Variants in MYO5A observed in about 807,000 individuals in gnomAD.
MYO5A encodes myosin VA.
MYO5A carries 98 observed loss-of-function variants against 249.7 expected under a neutral mutation model. That is an observed-to-expected ratio of 0.39 (90% CI 0.33 to 0.46). The LOEUF is 0.46. Among genes scored for constraint, MYO5A ranks in the 20% least tolerant of loss-of-function variants. The probability of loss-of-function intolerance (pLI) is 0.98; values close to 1 mark genes in which losing one functional copy is unlikely to be tolerated. For missense variants in MYO5A, 1,696 were observed against 2,308.8 expected (o/e 0.73, Z 5.44); for synonymous variants, 778 against 810.6 (o/e 0.96, Z 0.68).
In MYO5A at chr15:52,364,597, T is replaced by G. The variant is rs1226192143; in HGVS notation, c.3266A>C (p.Glu1089Ala). 1 of 1,614,024 alleles carries G rather than the reference T, an allele frequency of 6.2e-7. No individual in the cohort carries two copies. The highest frequency in any genetic ancestry group is 1.1e-5 in the South Asian group (1 of 91,074). Residue 1089 changes from glutamate to alanine, a missense_variant, in exon 24 of 42, where the codon GAA becomes GCA. Around this residue, in one of 5 missense-constraint regions of MYO5A, gnomAD observed 412 missense variants for 453.3 expected, o/e 0.91. Transcript: ENST00000399233. The part of the protein sequence containing the change: ...QNLLNEFSRL[E>A]ERYDDLKEEM... ...TTCCTTGAGGTCATCATATCTTTCT[T>G]CCAGGCGACTGAACTCATTCAGAAG...
At position 52,385,903 on chromosome 15, in the gene MYO5A, A is replaced by C. The variant is rs142056260; in HGVS notation, c.1753-1581T>G. 2.7e-3 allele frequency among the ~76,000 whole-genome samples: 413 copies of C among 152,336 alleles called. 5 individuals are homozygous for C. The highest frequency in any genetic ancestry group is 9.5e-3 in the African/African-American group (395 of 41,574). On this transcript the variant is annotated intron_variant, in intron 14 of 41. Transcript: ENST00000399233. ...CACTTCAATGGAAACAATGTTACAC[A>C]GACTGGCAGTCACTGCAAATGATTT... is the stretch of plus-strand genomic sequence containing the variant.
intron 1 of MYO5A, among the ~76,000 whole-genome samples, chr15:52,494,372 A>G (rs1283519476): frequency 1.3e-5 from 2 of 152,230 alleles, no homozygotes; most frequent in African/African-American, 4.8e-5. Context: ...GCTAACACCC[A>G]CAGATCTTTC....
At chr15:52,504,054 C>CCT (rs1555386581) in intron 1 of MYO5A, among the ~76,000 whole-genome samples, 2 of 122,956 alleles carry the variant, frequency 1.6e-5, no homozygotes, top group Admixed American at 8.3e-5. Context: ...GTTTCTCCTT[C>CCT]TTTTTTTTTT....
chr15:52,515,805 C>T (rs1413777471), intron 1 of MYO5A, among the ~76,000 whole-genome samples: 1 of 152,132 alleles, frequency 6.6e-6, no homozygotes, highest in Admixed American at 6.5e-5. Flanking sequence ...TGGCACCTGA[C>T]TCTTCAGGAC....
At chr15:52,382,956 C>T in intron 16 of MYO5A, 135 bp downstream of exon 16, 1 of 752,180 alleles carries the variant, frequency 1.3e-6, no homozygotes, top group Non-Finnish European at 2.4e-6. Flanking sequence ...TAGTGGTTTC[C>T]CTCTACAAGG....
At position 52,319,275 on chromosome 15, in the gene MYO5A, C is replaced by T. The variant is rs778641047; in HGVS notation, c.5019G>A (p.Lys1673=). 1 of 1,614,188 alleles carries T rather than the reference C, an allele frequency of 6.2e-7. No homozygotes were observed. Among genetic ancestry groups the T allele is most frequent in the East Asian group, 2.2e-5 (1 of 44,882 alleles). ...VSGVKPTGLR[K]RTSSIADEGT... is the part of the protein sequence containing the mutation. ...CCTCATCGGCGATACTGGAGGTTCGCTTTCTCAACCCTGTGGGCTTCACCC... is the reference window on the plus strand; with the variant it reads ...CCTCATCGGCGATACTGGAGGTTCGTTTTCTCAACCCTGTGGGCTTCACCC... The change falls in exon 39 of 42, where the codon AAG becomes AAA. Residue 1673 remains lysine, a synonymous_variant. Transcript: ENST00000399233.
chr15:52,427,364 T>A (rs1304503456), intron 3 of MYO5A, among the ~76,000 whole-genome samples: 1 of 151,688 alleles, frequency 6.6e-6, no homozygotes, highest in East Asian at 1.9e-4. Context: ...ACAAGATAAG[T>A]AAGAAAATAT....
At position 52,319,188 on chromosome 15, in the gene MYO5A, C is replaced by A; in HGVS notation, c.5106G>T (p.Gln1702His). The A allele has an allele frequency of 6.2e-7, 1 of 1,614,182 alleles. No individual in the cohort carries two copies. Among genetic ancestry groups the A allele is most frequent in the East Asian group, 2.2e-5 (1 of 44,888 alleles). ...QLNSFHSVMC[Q>H]HGMDPELIKQ... The stretch of plus-strand genomic sequence containing the variant: ...TGATCAGTTCAGGGTCCATGCCATG[C>A]TGACACATGACCGAGTGGAAGGAGT... The change falls in exon 39 of 42, where the codon CAG (glutamine) becomes CAT (histidine). Residue 1702 changes from glutamine to histidine, a missense_variant. Physicochemically the swap from Gln to His is conservative, Grantham distance 24 (BLOSUM62 0). This residue lies in a region of MYO5A where 625 missense variants were observed against 908.1 expected (regional missense o/e 0.69). Transcript: ENST00000399233.
At chr15:52,410,197 G>T in intron 6 of MYO5A, 136 bp downstream of exon 6, 1 of 1,078,806 alleles carries the variant, frequency 9.3e-7, no homozygotes, top group Non-Finnish European at 1.4e-6. Context: ...ACAGGCTTCA[G>T]TCCAAGTGTG....
At chr15:52,463,148 C>G (rs373951479) in intron 1 of MYO5A, among the ~76,000 whole-genome samples, 2 of 152,124 alleles carry the variant, frequency 1.3e-5, no homozygotes, top group African/African-American at 4.8e-5. Context: ...CAACTGTATA[C>G]GCTGAGAGGG....
intron 1 of MYO5A, among the ~76,000 whole-genome samples, chr15:52,476,470 G>A (rs1213952998): frequency 6.6e-6 from 1 of 152,170 alleles, no homozygotes; most frequent in Non-Finnish European, 1.5e-5. Context: ...GTTAGTTGAT[G>A]CAGTTTCTTC....
At chr15:52,515,437 A>G (rs560988321) in intron 1 of MYO5A, among the ~76,000 whole-genome samples, 7 of 152,288 alleles carry the variant, frequency 4.6e-5, no homozygotes, top group Admixed American at 3.3e-4. Context: ...CTGGAGGGAT[A>G]CTGATGTCAT....
intron 20 of MYO5A, among the ~76,000 whole-genome samples, chr15:52,374,982 A>G (rs1045021621): frequency 6.6e-6 from 1 of 152,114 alleles, no homozygotes; most frequent in African/African-American, 2.4e-5. Flanking sequence ...GTATTTTAAA[A>G]TGCATTTCAG....
intron 36 of MYO5A, among the ~76,000 whole-genome samples, chr15:52,325,982 A>G (rs1393906639): frequency 3.9e-5 from 6 of 152,248 alleles, no homozygotes; most frequent in African/African-American, 1.4e-4. Flanking sequence ...AGTTGAACTC[A>G]AAGCTATTTG....
At chr15:52,314,899 G>A (rs1201513369) in intron 40 of MYO5A, among the ~76,000 whole-genome samples, 2 of 152,150 alleles carry the variant, frequency 1.3e-5, no homozygotes, top group Non-Finnish European at 2.9e-5. Context: ...CAATACAACA[G>A]TAGTAGTCAC....
chr15:52,324,202 G>C (rs566495085), intron 36 of MYO5A, among the ~76,000 whole-genome samples: 8 of 152,148 alleles, frequency 5.3e-5, no homozygotes, highest in Admixed American at 1.3e-4. Context: ...TTAAGGGTAA[G>C]ATAAAATTTC....
intron 13 of MYO5A, 95 bp downstream of exon 13, chr15:52,389,143 A>G: frequency 7.4e-7 from 1 of 1,343,216 alleles, no homozygotes; most frequent in Non-Finnish European, 1.0e-6. Context: ...AAGAATGCAA[A>G]CATCAGCAAA....
intron 9 of MYO5A, among the ~76,000 whole-genome samples, chr15:52,404,515 TAAG>T (rs2042911881): frequency 6.6e-6 from 1 of 152,126 alleles, no homozygotes; most frequent in Admixed American, 6.5e-5. Context: ...AGGCCTTAAT[TAAG>T]AATACCACAA....
intron 35 of MYO5A, among the ~76,000 whole-genome samples, chr15:52,329,903 T>TA (rs568326962): frequency 0.078 from 5,807 of 74,854 alleles, 175 homozygotes; most frequent in East Asian, 0.11. Flanking sequence ...CTCGCCTGGG[T>TA]AATTTTTTTT....
Sources: gnomAD v4.1 joint callset for allele counts (sites outside exome capture counted in the v4.1 genomes callset) on GRCh38, gnomAD v4.1.1 for gene constraint, gnomAD v4.1.1 regional missense constraint, MANE v1.5 for transcripts, NCBI Gene and HGNC (gene_info 2026-07-23, HGNC 2026-07-21) for gene names.